Variants in ST6GALNAC3 observed in about 807,000 individuals in gnomAD.
ST6GALNAC3 encodes ST6 N-acetylgalactosaminide alpha-2,6-sialyltransferase 3, also known as alpha-N-acetylgalactosaminide alpha-2,6-sialyltransferase 3.
Under a neutral mutation model 32.7 loss-of-function variants are expected in ST6GALNAC3, and 25 were observed. The observed-to-expected ratio is 0.76, with a 90% CI of 0.56 to 1.07. The LOEUF (loss-of-function observed/expected upper bound fraction) is 1.07. Ranked by LOEUF, ST6GALNAC3 falls within the 50% of genes least tolerant of loss-of-function variation. The pLI is 0.00. For missense variants in ST6GALNAC3, 355 were observed against 382.4 expected (o/e 0.93, Z 0.60); for synonymous variants, 129 against 133.1 (o/e 0.97, Z 0.21).
At chr1:76,266,728 G>T (rs1658548034) in intron 1 of ST6GALNAC3, among the ~76,000 whole-genome samples, 1 of 152,100 alleles carries the variant, frequency 6.6e-6, no homozygotes, top group Non-Finnish European at 1.5e-5. Flanking sequence ...CCCTTTCTGT[G>T]ATTATGCCAG....
chr1:76,268,586 T>C (rs1658665332), intron 1 of ST6GALNAC3, among the ~76,000 whole-genome samples: 1 of 152,226 alleles, frequency 6.6e-6, no homozygotes, highest in Non-Finnish European at 1.5e-5. Flanking sequence ...GTCTCAGAGC[T>C]GAGGTACTTA....
intron 1 of ST6GALNAC3, among the ~76,000 whole-genome samples, chr1:76,161,445 G>A (rs1269885727): frequency 2.0e-5 from 3 of 152,102 alleles, no homozygotes; most frequent in Admixed American, 6.5e-5. Flanking sequence ...CTTCCCTGCC[G>A]CTCCCCTCAG....
intron 2 of ST6GALNAC3, among the ~76,000 whole-genome samples, chr1:76,387,525 G>A (rs1407016880): frequency 1.3e-5 from 2 of 152,052 alleles, no homozygotes; most frequent in Admixed American, 6.5e-5. Context: ...GAATTTTTTC[G>A]TGTTCTAGTT....
intron 1 of ST6GALNAC3, among the ~76,000 whole-genome samples, chr1:76,199,754 T>C (rs532895288): frequency 7.2e-5 from 11 of 152,256 alleles, no homozygotes; most frequent in Non-Finnish European, 1.6e-4. Context: ...AGCAATAGTT[T>C]CAATGCTCTT....
chr1:76,220,751 T>A (rs1655717870), intron 1 of ST6GALNAC3, among the ~76,000 whole-genome samples: 2 of 152,320 alleles, frequency 1.3e-5, no homozygotes, highest in South Asian at 4.1e-4. Context: ...GAATAGCTCA[T>A]GTAAATGCCT....
chr1:76,347,568 T>C (rs1017838497), intron 2 of ST6GALNAC3, among the ~76,000 whole-genome samples: 3 of 152,130 alleles, frequency 2.0e-5, no homozygotes, highest in Non-Finnish European at 4.4e-5. Context: ...AAGCAATTGA[T>C]GGTATCTAAG....
intron 1 of ST6GALNAC3, among the ~76,000 whole-genome samples, chr1:76,115,994 C>G (rs749368919): frequency 9.2e-5 from 14 of 152,090 alleles, no homozygotes; most frequent in African/African-American, 3.4e-4. Flanking sequence ...ATAGGCTCTG[C>G]TCTCATTAAG....
chr1:76,179,927 A>G (rs1266085296), intron 1 of ST6GALNAC3, among the ~76,000 whole-genome samples: 2 of 152,224 alleles, frequency 1.3e-5, no homozygotes, highest in Admixed American at 1.3e-4. Flanking sequence ...AGTCAGTTTC[A>G]GACCTGCCTA....
chr1:76,535,120 G>T (rs1425183235), intron 3 of ST6GALNAC3, among the ~76,000 whole-genome samples: 1 of 152,166 alleles, frequency 6.6e-6, no homozygotes, highest in African/African-American at 2.4e-5. Flanking sequence ...CACAGGGTTA[G>T]GGAAAGAGAT....
At chr1:76,341,682 CTTCTTTCTTTCTTTCTTTCT>C (rs1281081058) in intron 2 of ST6GALNAC3, among the ~76,000 whole-genome samples, 19 of 36,042 alleles carry the variant, frequency 5.3e-4, no homozygotes, top group African/African-American at 1.8e-3. Flanking sequence ...TCTTTCTTTC[CTTCTTTCTTTCTTTCTTTCT>C]TTCCTTCTTT....
At chr1:76,601,242 C>T (rs1047497911) in intron 3 of ST6GALNAC3, among the ~76,000 whole-genome samples, 1 of 151,884 alleles carries the variant, frequency 6.6e-6, no homozygotes, top group Non-Finnish European at 1.5e-5. Context: ...GGAAAGTATT[C>T]TATTTCAGGA....
chr1:76,129,071 C>A (rs925408155), intron 1 of ST6GALNAC3, among the ~76,000 whole-genome samples: 3 of 152,184 alleles, frequency 2.0e-5, no homozygotes, highest in Non-Finnish European at 1.5e-5. Flanking sequence ...CCAATCGAGG[C>A]AGTGAGGTTA....
At chr1:76,168,175 C>T (rs1020254541) in intron 1 of ST6GALNAC3, among the ~76,000 whole-genome samples, 2 of 152,000 alleles carry the variant, frequency 1.3e-5, no homozygotes, top group African/African-American at 4.8e-5. Context: ...AGGGATTATG[C>T]TACATTGTAT....
At chr1:76,300,166 G>A (rs1413525518) in intron 1 of ST6GALNAC3, among the ~76,000 whole-genome samples, 1 of 152,070 alleles carries the variant, frequency 6.6e-6, no homozygotes, top group Non-Finnish European at 1.5e-5. Context: ...CTCAGCAGGT[G>A]TAAAATAGCT....
intron 3 of ST6GALNAC3, among the ~76,000 whole-genome samples, chr1:76,480,889 A>G (rs553105545): frequency 6.6e-6 from 1 of 152,222 alleles, no homozygotes; most frequent in Non-Finnish European, 1.5e-5. Flanking sequence ...TAAAAGCATC[A>G]TTCCACTAGT....
chr1:76,148,138 C>G (rs988137046), intron 1 of ST6GALNAC3, among the ~76,000 whole-genome samples: 6 of 152,152 alleles, frequency 3.9e-5, no homozygotes, highest in African/African-American at 1.4e-4. Flanking sequence ...AAGTAACCCC[C>G]ACGTGTGCCT....
intron 3 of ST6GALNAC3, among the ~76,000 whole-genome samples, chr1:76,546,857 C>A (rs1015674413): frequency 2.0e-5 from 3 of 152,196 alleles, no homozygotes; most frequent in Admixed American, 1.3e-4. Context: ...ACGTTGTGTT[C>A]CCACCACTTC....
At chr1:76,391,434 G>C (rs960709875) in intron 2 of ST6GALNAC3, among the ~76,000 whole-genome samples, 2 of 152,154 alleles carry the variant, frequency 1.3e-5, no homozygotes, top group Non-Finnish European at 2.9e-5. Context: ...TAATGCTGGA[G>C]AAGTCAGTGG....
chr1:76,188,137 G>A (rs1653679156), intron 1 of ST6GALNAC3, among the ~76,000 whole-genome samples: 1 of 152,192 alleles, frequency 6.6e-6, no homozygotes, highest in South Asian at 2.1e-4. Flanking sequence ...GCCGAGGTGG[G>A]TGGATCACGA....
Sources: gnomAD v4.1 joint callset for allele counts (sites outside exome capture counted in the v4.1 genomes callset) on GRCh38, gnomAD v4.1.1 for gene constraint, MANE v1.5 for transcripts, NCBI Gene and HGNC (gene_info 2026-07-23, HGNC 2026-07-21) for gene names.